ILRUN: variants seen among roughly 807,000 people sequenced by gnomAD.
ILRUN encodes the protein protein ILRUN.
A neutral mutation model predicts 33.8 loss-of-function variants in ILRUN; 3 were observed. The ratio of observed to expected loss-of-function variants is 0.09; its 90% confidence interval spans 0.04 to 0.23. The LOEUF is 0.23. Ranked by LOEUF, ILRUN falls within the 10% of genes least tolerant of loss-of-function variation. The pLI is 1.00. For missense variants in ILRUN, 210 were observed against 375.1 expected (o/e 0.56, Z 3.64); for synonymous variants, 124 against 138.9 (o/e 0.89, Z 0.75).
intron 3 of ILRUN, among the ~76,000 whole-genome samples, chr6:34,619,562 C>T (rs542268280): frequency 2.2e-4 from 33 of 152,192 alleles, no homozygotes; most frequent in African/African-American, 7.2e-4. Context: ...CCTTTGTTGC[C>T]CAGGCTGGTC....
intron 1 of ILRUN, 102 bp downstream of exon 1, chr6:34,696,344 G>A: frequency 7.7e-7 from 1 of 1,304,810 alleles, no homozygotes; most frequent in Non-Finnish European, 1.0e-6. Context: ...GTGGCCCTCA[G>A]TACCCGCCTG....
At chr6:34,614,730 A>G (rs930024700) in intron 3 of ILRUN, among the ~76,000 whole-genome samples, 4 of 151,988 alleles carry the variant, frequency 2.6e-5, no homozygotes, top group Non-Finnish European at 4.4e-5. Context: ...TAACTCTACA[A>G]TAGAAAAACC....
intron 3 of ILRUN, among the ~76,000 whole-genome samples, chr6:34,631,803 T>C (rs1322237135): frequency 1.3e-5 from 2 of 152,084 alleles, no homozygotes; most frequent in East Asian, 1.9e-4. Context: ...ATAAAATACA[T>C]TGGAATCAAA....
In ILRUN at chr6:34,696,682, G is replaced by C; in HGVS notation, c.-79C>G. The C allele has an allele frequency of 1.3e-6, 2 of 1,505,210 alleles. No homozygotes were observed. The highest frequency in any genetic ancestry group is 1.8e-6 in the Non-Finnish European group (2 of 1,116,470). The allele number at this position is 1,505,210 out of a possible 1,614,324, so 93.2% of individuals were successfully genotyped here. A position where few individuals can be genotyped will look rare whatever the true frequency, so the allele number is the denominator to read the frequency against. ...GCCGCCGGGCCCGGGGACCTGGAGG[G>C]GGGCCGCTGCTAGCTAGCTTCGCGA... On this transcript the variant is annotated 5_prime_UTR_variant, in exon 1 of 5. Transcript: ENST00000374023.
At chr6:34,660,705 T>C (rs1331066937) in intron 1 of ILRUN, among the ~76,000 whole-genome samples, 2 of 151,642 alleles carry the variant, frequency 1.3e-5, no homozygotes, top group Admixed American at 6.5e-5. Context: ...ATAGATGCTC[T>C]TAACCAGGGC....
At chr6:34,682,474 G>A (rs1203727802) in intron 1 of ILRUN, among the ~76,000 whole-genome samples, 2 of 150,910 alleles carry the variant, frequency 1.3e-5, no homozygotes, top group Non-Finnish European at 3.0e-5. Flanking sequence ...TAGCCAGGAC[G>A]GTCTCGATCT....
intron 1 of ILRUN, among the ~76,000 whole-genome samples, chr6:34,681,705 C>T (rs186168021): frequency 1.1e-4 from 16 of 152,046 alleles, no homozygotes; most frequent in Non-Finnish European, 1.9e-4. Context: ...TATTGTCAGA[C>T]GAGCTTACTA....
intron 1 of ILRUN, among the ~76,000 whole-genome samples, chr6:34,659,055 A>T (rs1762836605): frequency 6.6e-6 from 1 of 152,228 alleles, no homozygotes; most frequent in Non-Finnish European, 1.5e-5. Flanking sequence ...CCTGGCCTGG[A>T]GCATTAGGGA....
At chr6:34,638,195 C>T (rs183295668) in intron 3 of ILRUN, among the ~76,000 whole-genome samples, 6 of 152,020 alleles carry the variant, frequency 3.9e-5, no homozygotes, top group East Asian at 3.9e-4. Context: ...GCCTTCATAC[C>T]GACTTTGACT....
chr6:34,683,499 C>CATATATATATATATACATATAT (rs1763445474), intron 1 of ILRUN, among the ~76,000 whole-genome samples: 1 of 84,564 alleles, frequency 1.2e-5, no homozygotes, highest in South Asian at 3.3e-4. Flanking sequence ...TATATATATA[C>CATATATATATATATACATATAT]ATATATATAT....
chr6:34,679,820 C>T (rs1763321493), intron 1 of ILRUN, among the ~76,000 whole-genome samples: 1 of 152,132 alleles, frequency 6.6e-6, no homozygotes, highest in African/African-American at 2.4e-5. Flanking sequence ...TGGAGACACA[C>T]AAGGAAAGCC....
chr6:34,649,432 A>G (rs1451272521), intron 2 of ILRUN, among the ~76,000 whole-genome samples: 1 of 152,230 alleles, frequency 6.6e-6, no homozygotes, highest in Non-Finnish European at 1.5e-5. Flanking sequence ...AGAAGAAAAG[A>G]AAGACTAATC....
rs992796357 is a variant in ILRUN, at chr6:34,616,972, A to G, written c.512-10068T>C. On this transcript the variant is annotated intron_variant, in intron 3 of 4. Transcript: ENST00000374023. The stretch of plus-strand genomic sequence containing the variant: ...CAAATCTGAAGTCAGTAAATGAACT[A>G]ATCTACAAGCATGGTTATGGCAAAA... The G allele has an allele frequency of 2.2e-5, 12 of 556,486 alleles. No homozygotes were observed. The African/African-American group carries it at 2.2e-4, about 10-fold the overall frequency. The allele number at this position is 556,486 out of a possible 1,614,324, so 34.5% of individuals were successfully genotyped here.
chr6:34,626,049 AC>A (rs1256216148), intron 3 of ILRUN, among the ~76,000 whole-genome samples: 1 of 151,998 alleles, frequency 6.6e-6, no homozygotes, highest in Non-Finnish European at 1.5e-5. Context: ...ACGGGGTTTC[AC>A]CATGTTAGCT....
chr6:34,659,125 C>A (rs934657314), intron 1 of ILRUN, among the ~76,000 whole-genome samples: 1 of 152,172 alleles, frequency 6.6e-6, no homozygotes, highest in Non-Finnish European at 1.5e-5. Context: ...CTATAGCTAA[C>A]CAGGGACATT....
At chr6:34,630,799 A>G (rs928151383) in intron 3 of ILRUN, among the ~76,000 whole-genome samples, 1 of 149,302 alleles carries the variant, frequency 6.7e-6, no homozygotes, top group Non-Finnish European at 1.5e-5. Context: ...ACACGCACAC[A>G]TCACTGTACC....
chr6:34,675,860 T>C lies in ILRUN; in HGVS notation c.158+20586A>G, dbSNP rs1582100940. 2.0e-5 allele frequency among the ~76,000 whole-genome samples: 3 copies of C among 152,204 alleles called. No individual in the cohort carries two copies. The East Asian group carries it at 5.8e-4, about 29-fold the overall frequency. On this transcript the variant is annotated intron_variant, in intron 1 of 4. Coordinates refer to ENST00000374023, the MANE Select transcript of ILRUN (RefSeq NM_024294.4). ...AGATATGGAAAGATATCCAACCTCA[T>C]TCATAATTACAGAAAAACAAATTAA...
intron 3 of ILRUN, among the ~76,000 whole-genome samples, chr6:34,612,334 G>C (rs145299160): frequency 1.2e-4 from 18 of 152,284 alleles, no homozygotes; most frequent in Admixed American, 4.6e-4. Context: ...GGGAGGCTGA[G>C]GTGGGAGGAT....
chr6:34,638,243 A>G (rs1040086626), intron 3 of ILRUN, among the ~76,000 whole-genome samples: 8 of 152,104 alleles, frequency 5.3e-5, no homozygotes, highest in African/African-American at 1.7e-4. Context: ...CAAAACAAAC[A>G]ATCACCACCA....
Sources: allele counts gnomAD v4.1 joint callset (sites outside exome capture counted in the v4.1 genomes callset), GRCh38; gene constraint gnomAD v4.1.1; transcripts MANE v1.5; gene names NCBI Gene and HGNC (gene_info 2026-07-23, HGNC 2026-07-21).